Variants in ESCO2 observed in about 807,000 individuals in gnomAD.
ESCO2 encodes establishment of sister chromatid cohesion N-acetyltransferase 2.
In ESCO2, 51 loss-of-function variants were observed where a neutral mutation model predicts 61.7. The observed-to-expected ratio is 0.83, with a 90% CI of 0.66 to 1.04. The LOEUF (loss-of-function observed/expected upper bound fraction) is 1.04. Among genes scored for constraint, ESCO2 ranks in the 50% least tolerant of loss-of-function variants. The pLI is 0.00. For synonymous variants in ESCO2, 230 were observed against 238.2 expected (o/e 0.97, Z 0.32); for missense variants, 692 against 686.2 (o/e 1.01, Z -0.09).
downstream of ESCO2, chr8:27,812,046 T>C (rs183607729): frequency 6.6e-6 from 1 of 152,324 alleles, no homozygotes; most frequent in East Asian, 1.9e-4. Flanking sequence ...CAGTTTCGTC[T>C]CCTTTCCAAT....
chr8:27,791,353 G>T (rs145346230), intron 7 of ESCO2, among the ~76,000 whole-genome samples: 11 of 152,064 alleles, frequency 7.2e-5, no homozygotes, highest in African/African-American at 2.7e-4. Flanking sequence ...TGCTTATTCA[G>T]TTAGTTGCCT....
chr8:27,806,458 A>G (rs569584468), downstream of ESCO2, among the ~76,000 whole-genome samples: 2 of 152,242 alleles, frequency 1.3e-5, no homozygotes, highest in Non-Finnish European at 2.9e-5. Flanking sequence ...TCTTCGGTCT[A>G]TTATTGGACT....
downstream of ESCO2, among the ~76,000 whole-genome samples, chr8:27,817,280 G>A (rs991564544): frequency 6.6e-6 from 1 of 151,782 alleles, no homozygotes; most frequent in Admixed American, 6.6e-5. Flanking sequence ...ATAAACCCAG[G>A]GTTTATGGCT....
chr8:27,778,168 A>G (rs1804841888), intron 3 of ESCO2: 1 of 152,250 alleles, frequency 6.6e-6, no homozygotes, highest in South Asian at 2.1e-4. Context: ...TCAGAGCTGA[A>G]TATCAGGCTG....
rs375159544 is a variant in ESCO2 at position 27,780,149 on chromosome 8, GT to G, written c.862-15del. 2,493 of 1,276,292 alleles carry G rather than the reference GT, an allele frequency of 2.0e-3. 10 individuals carry two copies. The highest frequency in any genetic ancestry group is 0.016 in the African/African-American group (1,065 of 66,782). The allele number at this position is 1,276,292 out of a possible 1,614,324, so 79.1% of individuals were successfully genotyped here. A position where few individuals can be genotyped will look rare whatever the true frequency, so the allele number is the denominator to read the frequency against. ...AATAGTTAAAAATTACAGATGTTTG[GT>G]TTTTTTTTTAAACCTATTTTCAGGA... On this transcript the variant is annotated intron_variant, in intron 3 of 10. Coordinates refer to ENST00000305188, the MANE Select transcript of ESCO2 (RefSeq NM_001017420.3).
chr8:27,819,508 T>C, the ESCO2 span, among the ~76,000 whole-genome samples: 2 of 152,138 alleles, frequency 1.3e-5, no homozygotes, highest in African/African-American at 2.4e-5. Context: ...AGTTTGGAGT[T>C]TTTGTTTCCT....
In ESCO2 at chr8:27,776,854, T is replaced by C. The variant is rs1417857032; in HGVS notation, c.546T>C (p.Cys182=). The change falls in exon 3 of 11, where the codon TGT becomes TGC. Residue 182 remains cysteine (C), a synonymous_variant. Transcript: ENST00000305188. ...CAATTGTGGAGAAGGAAAATAATTG[T>C]CATTCAGCTGAAAATAATTCCAATG... ...YKPIVEKENN[C]HSAENNSNAP... 1 of 1,614,044 alleles carries C rather than the reference T, an allele frequency of 6.2e-7. No individual in the cohort carries two copies. The highest frequency in any genetic ancestry group is 1.3e-5 in the African/African-American group (1 of 74,916).
downstream of ESCO2, among the ~76,000 whole-genome samples, chr8:27,806,866 T>G (rs1488896465): frequency 6.6e-6 from 1 of 152,194 alleles, no homozygotes; most frequent in Non-Finnish European, 1.5e-5. Context: ...TCCACCCACT[T>G]CAGCCTCCCA....
chr8:27,790,623 T>C (rs72609975), intron 7 of ESCO2, among the ~76,000 whole-genome samples: 19,805 of 152,152 alleles, frequency 0.13, 1,529 homozygotes, highest in East Asian at 0.34. Flanking sequence ...ATCATCTCAG[T>C]CCCAAAATTA....
At chr8:27,776,260 AT>A (rs2128950980) in intron 2 of ESCO2, 101 bp from the exon 3 acceptor site, 2 of 924,896 alleles carry the variant, frequency 2.2e-6, no homozygotes, top group East Asian at 5.2e-5. Flanking sequence ...GGGTACATGT[AT>A]TGTTTTTAAT....
At chr8:27,783,678 G>C (rs78577135) in intron 4 of ESCO2, among the ~76,000 whole-genome samples, 1 of 152,074 alleles carries the variant, frequency 6.6e-6, no homozygotes, top group Admixed American at 6.6e-5. Flanking sequence ...GGCCTTAGGC[G>C]ATCCTCCCAC....
At chr8:27,818,350 A>C in the ESCO2 span, among the ~76,000 whole-genome samples, 4 of 152,206 alleles carry the variant, frequency 2.6e-5, no homozygotes, top group African/African-American at 9.6e-5. Flanking sequence ...TTACTCCTTC[A>C]ATAATATATT....
downstream of ESCO2, among the ~76,000 whole-genome samples, chr8:27,806,329 T>C (rs894780810): frequency 7.9e-5 from 12 of 152,170 alleles, no homozygotes; most frequent in African/African-American, 2.9e-4. Context: ...TATGTGTATG[T>C]CTATTTCTGC....
At position 27,775,618 on chromosome 8, in the gene ESCO2, C is replaced by A. The variant is rs376276857; in HGVS notation, c.53+51C>A. The A allele has an allele frequency of 6.8e-5, 108 of 1,579,762 alleles. No individual in the cohort carries two copies. In the African/African-American group the frequency reaches 1.2e-3, roughly 18 times the overall value. On this transcript the variant is annotated intron_variant, in intron 2 of 10. Coordinates refer to ENST00000305188, the MANE Select transcript of ESCO2 (RefSeq NM_001017420.3). ...CTCTTAGAAAAATCCACCTTCTTGT[C>A]TCTCTTGTTCTCTCCTATTTTCTAA...
intron 9 of ESCO2, among the ~76,000 whole-genome samples, chr8:27,797,672 G>A (rs1585407905): frequency 1.3e-5 from 2 of 152,054 alleles, no homozygotes; most frequent in Non-Finnish European, 1.5e-5. Flanking sequence ...ATGATTTTCT[G>A]TAGTGGTGTG....
intron 10 of ESCO2, among the ~76,000 whole-genome samples, chr8:27,802,692 A>ATTT (rs74962285): frequency 8.4e-6 from 1 of 119,486 alleles, no homozygotes; most frequent in African/African-American, 3.0e-5. Context: ...CTTAAGATTG[A>ATTT]TTTTTTTTGG....
downstream of ESCO2, among the ~76,000 whole-genome samples, chr8:27,813,526 T>C (rs1805743606): frequency 6.6e-6 from 1 of 152,164 alleles, no homozygotes; most frequent in Non-Finnish European, 1.5e-5. Context: ...AAATTATATA[T>C]GTTTAAGGTA....
downstream of ESCO2, chr8:27,812,470 C>CA (rs1805707450): frequency 6.6e-6 from 1 of 152,036 alleles, no homozygotes; most frequent in Non-Finnish European, 1.5e-5. Context: ...CCAAAACAGA[C>CA]AAATGGGATC....
chr8:27,799,014 A>C (rs953645090), intron 9 of ESCO2, among the ~76,000 whole-genome samples: 2 of 152,180 alleles, frequency 1.3e-5, no homozygotes, highest in Non-Finnish European at 2.9e-5. Context: ...TACCAATGGT[A>C]ATTTCATGGT....
Sources: gnomAD v4.1 joint callset for allele counts (sites outside exome capture counted in the v4.1 genomes callset) on GRCh38, gnomAD v4.1.1 for gene constraint, MANE v1.5 for transcripts, NCBI Gene and HGNC (gene_info 2026-07-23, HGNC 2026-07-21) for gene names.